BLTP1: variants seen among roughly 807,000 people sequenced by gnomAD.
BLTP1 encodes fragile site-associated protein.
chr4:122,336,433 T>C, the BLTP1 span: 1 of 889,850 alleles, frequency 1.1e-6, no homozygotes, highest in Non-Finnish European at 1.6e-6. Flanking sequence ...AATGCTATTA[T>C]ACATTATTAC....
chr4:122,248,312 C>T, the BLTP1 span, among the ~76,000 whole-genome samples: 1 of 152,002 alleles, frequency 6.6e-6, no homozygotes, highest in Non-Finnish European at 1.5e-5. Flanking sequence ...AGACCATAAG[C>T]AGAACCTTAT....
chr4:122,257,448 T>C, the BLTP1 span: 1 of 1,614,090 alleles, frequency 6.2e-7, no homozygotes, highest in Non-Finnish European at 8.5e-7. Context: ...GGGGGTGGTC[T>C]TCAAAGTGAT....
the BLTP1 span, among the ~76,000 whole-genome samples, chr4:122,248,674 A>C: frequency 6.6e-6 from 1 of 152,064 alleles, no homozygotes; most frequent in African/African-American, 2.4e-5. Context: ...AAGACCTTTT[A>C]ATTATAAATG....
At chr4:122,230,086 T>C in the BLTP1 span, 1 of 1,614,194 alleles carries the variant, frequency 6.2e-7, no homozygotes, top group Non-Finnish European at 8.5e-7. Context: ...GGAGGGCCTA[T>C]TGGCTTGAAG....
At chr4:122,185,532 G>A in the BLTP1 span, 3 of 630,820 alleles carry the variant, frequency 4.8e-6, no homozygotes, top group Non-Finnish European at 4.0e-6. Flanking sequence ...TTTTATTTGA[G>A]AAGATTGAAG....
chr4:122,182,846 C>G, the BLTP1 span: 1 of 984,528 alleles, frequency 1.0e-6, no homozygotes, highest in African/African-American at 1.7e-5. Flanking sequence ...AATCCCTCTC[C>G]CAGCTTAACA....
the BLTP1 span, among the ~76,000 whole-genome samples, chr4:122,222,434 ATCT>A: frequency 6.6e-6 from 1 of 152,194 alleles, no homozygotes; most frequent in African/African-American, 2.4e-5. Flanking sequence ...CTTTGTGGTC[ATCT>A]TATGTATTAA....
the BLTP1 span, chr4:122,183,335 C>CAA: frequency 0.021 from 15,102 of 732,034 alleles, 50 homozygotes; most frequent in East Asian, 0.087. Context: ...GACCCTGTCT[C>CAA]AAAAAAAAAA....
the BLTP1 span, among the ~76,000 whole-genome samples, chr4:122,285,648 C>A: frequency 5.9e-5 from 9 of 152,118 alleles, no homozygotes; most frequent in Admixed American, 5.9e-4. Flanking sequence ...AGAATTATTT[C>A]TGGCTCAGTT....
chr4:122,264,138 C>A, the BLTP1 span: 1 of 1,269,928 alleles, frequency 7.9e-7, no homozygotes, highest in Non-Finnish European at 1.0e-6. Context: ...TCAATTTAAT[C>A]AGTCTTGAAA....
At chr4:122,355,993 A>G in the BLTP1 span, 1 of 1,582,124 alleles carries the variant, frequency 6.3e-7, no homozygotes, top group Non-Finnish European at 8.6e-7. Flanking sequence ...ATTACAGGGT[A>G]TGTAGAAAAA....
the BLTP1 span, chr4:122,257,558 C>A: frequency 6.9e-7 from 1 of 1,440,550 alleles, no homozygotes; most frequent in Non-Finnish European, 9.7e-7. Context: ...TGTTTTCTTA[C>A]TCAACACAAT....
At chr4:122,307,544 C>G in the BLTP1 span, 3 of 984,968 alleles carry the variant, frequency 3.0e-6, no homozygotes, top group Non-Finnish European at 2.4e-6. Flanking sequence ...AAATCAGATC[C>G]TTTTAATGGT....
chr4:122,187,007 T>C, the BLTP1 span: 2 of 984,940 alleles, frequency 2.0e-6, no homozygotes, highest in African/African-American at 3.5e-5. Context: ...AACTGGATTG[T>C]TTTCAGAAGT....
the BLTP1 span, among the ~76,000 whole-genome samples, chr4:122,180,730 A>G: frequency 1.3e-5 from 2 of 152,232 alleles, no homozygotes; most frequent in Non-Finnish European, 2.9e-5. Flanking sequence ...TATTTGTAGT[A>G]AAAAAGGCAA....
At chr4:122,332,037 T>A in the BLTP1 span, among the ~76,000 whole-genome samples, 1 of 151,986 alleles carries the variant, frequency 6.6e-6, no homozygotes, top group African/African-American at 2.4e-5. Context: ...ATAAACAGGA[T>A]TAACATTTTT....
chr4:122,223,068 TA>T, the BLTP1 span: 3 of 827,284 alleles, frequency 3.6e-6, no homozygotes, highest in Non-Finnish European at 4.4e-6. Flanking sequence ...GTTCCCTCAG[TA>T]AAAAAGGTAA....
At chr4:122,305,855 T>G in the BLTP1 span, 10 of 1,546,912 alleles carry the variant, frequency 6.5e-6, no homozygotes, top group East Asian at 2.3e-5. Flanking sequence ...TTTATTTTAT[T>G]GAGCTTTAAA....
chr4:122,278,729 T>C, the BLTP1 span, among the ~76,000 whole-genome samples: 12 of 152,198 alleles, frequency 7.9e-5, no homozygotes, highest in Admixed American at 1.3e-4. Context: ...TCTCCTGGGT[T>C]CACGCAATCC....
Sources: allele counts gnomAD v4.1 joint callset (sites outside exome capture counted in the v4.1 genomes callset), GRCh38; gene constraint gnomAD v4.1.1; transcripts MANE v1.5; gene names NCBI Gene and HGNC (gene_info 2026-07-23, HGNC 2026-07-21).